Variants in UGT1A9 observed in about 807,000 individuals in gnomAD.
UGT1A9 encodes the protein UDP glucuronosyltransferase family 1 member A9, also known as UDP-glucuronosyltransferase 1A9.
A neutral mutation model predicts 45.0 loss-of-function variants in UGT1A9; 35 were observed. The ratio of observed to expected loss-of-function variants is 0.78; its 90% CI spans 0.59 to 1.03. UGT1A9 has a LOEUF of 1.03. Ranked by LOEUF, UGT1A9 falls within the 50% of genes least tolerant of loss-of-function variation. The probability of loss-of-function intolerance (pLI) is 0.00; values close to 1 mark genes in which losing one functional copy is unlikely to be tolerated. For synonymous variants in UGT1A9, 278 were observed against 250.6 expected (o/e 1.11, Z -1.03); for missense variants, 687 against 666.6 (o/e 1.03, Z -0.34).
At chr2:233,744,020 A>G (rs772396813) in intron 1 of UGT1A9, 334 of 991,812 alleles carry the variant, frequency 3.4e-4, no homozygotes, top group East Asian at 3.5e-4. Context: ...CCGCCTGGAG[A>G]GACGCCCCTT....
chr2:233,681,746 A>G, intron 1 of UGT1A9: 1 of 802,058 alleles, frequency 1.2e-6, no homozygotes, highest in Non-Finnish European at 1.5e-6. Context: ...GAAAACATAT[A>G]AGCAGGTATC....
At chr2:233,748,499 T>C (rs1693956853) in intron 1 of UGT1A9, among the ~76,000 whole-genome samples, 1 of 151,838 alleles carries the variant, frequency 6.6e-6, no homozygotes, top group Admixed American at 6.5e-5. Context: ...GTGATAATTT[T>C]TAGTGGTCCT....
intron 1 of UGT1A9, among the ~76,000 whole-genome samples, chr2:233,747,024 C>T (rs773156337): frequency 2.0e-5 from 3 of 151,838 alleles, no homozygotes; most frequent in South Asian, 2.1e-4. Flanking sequence ...CGGTCTTTCC[C>T]GAAGTGGGAC....
intron 1 of UGT1A9, among the ~76,000 whole-genome samples, chr2:233,700,272 A>G (rs1488856849): frequency 6.6e-6 from 1 of 152,218 alleles, no homozygotes; most frequent in Non-Finnish European, 1.5e-5. Context: ...CTTAATAGGC[A>G]CTTTTTAAAA....
intron 1 of UGT1A9, among the ~76,000 whole-genome samples, chr2:233,730,871 C>T (rs1197291212): frequency 6.6e-6 from 1 of 152,088 alleles, no homozygotes; most frequent in Non-Finnish European, 1.5e-5. Context: ...TACTGCACTC[C>T]AGGTTTCTAT....
Position 233,725,059 on chromosome 2 carries a change from C to G in UGT1A9, c.856-41975C>G, listed in dbSNP as rs1273678780. Among the ~76,000 whole-genome samples the G allele has an allele frequency of 1.3e-3, 185 of 147,066 alleles. 18 individuals carry two copies. In the East Asian group the frequency reaches 0.027, roughly 21 times the overall value. ...AAAACCAGTCAGGCGTGGCGGCGCG[C>G]GCCTGCAATCGCAGGCACTCGGCAG... On this transcript the variant is annotated intron_variant, in intron 1 of 4. Coordinates refer to ENST00000354728, the MANE Select transcript of UGT1A9 (RefSeq NM_021027.3).
chr2:233,705,148 A>AG (rs1553608078), intron 1 of UGT1A9, among the ~76,000 whole-genome samples: 17 of 150,992 alleles, frequency 1.1e-4, no homozygotes, highest in Non-Finnish European at 1.8e-4. Context: ...AAAAAAAAAA[A>AG]AGAGAGAGAG....
intron 1 of UGT1A9, among the ~76,000 whole-genome samples, chr2:233,696,448 G>A (rs1198346703): frequency 6.6e-6 from 1 of 152,068 alleles, no homozygotes; most frequent in African/African-American, 2.4e-5. Context: ...ATTTATAAAT[G>A]CTACTGATTT....
At chr2:233,735,055 G>A (rs1012259706) in intron 1 of UGT1A9, among the ~76,000 whole-genome samples, 1 of 152,132 alleles carries the variant, frequency 6.6e-6, no homozygotes, top group Non-Finnish European at 1.5e-5. Context: ...CTGAGTTCAG[G>A]TCCTGGATAT....
chr2:233,697,132 GTA>G (rs1456349990), intron 1 of UGT1A9, among the ~76,000 whole-genome samples: 3 of 151,950 alleles, frequency 2.0e-5, no homozygotes, highest in African/African-American at 7.3e-5. Flanking sequence ...TCATTTTTCT[GTA>G]ATAGTTTGAG....
At chr2:233,713,891 C>G in intron 1 of UGT1A9, 4 of 1,613,316 alleles carry the variant, frequency 2.5e-6, no homozygotes, top group African/African-American at 2.7e-5. Context: ...AATCAATGTT[C>G]CAGGCAAAAC....
At chr2:233,758,385 T>C (rs1230615266) in intron 1 of UGT1A9, among the ~76,000 whole-genome samples, 2 of 152,262 alleles carry the variant, frequency 1.3e-5, no homozygotes, top group Admixed American at 6.5e-5. Flanking sequence ...TGGTGACTTA[T>C]GTGTTTATAG....
intron 1 of UGT1A9, among the ~76,000 whole-genome samples, chr2:233,745,444 A>G (rs1693107566): frequency 6.6e-6 from 1 of 151,758 alleles, no homozygotes; most frequent in Non-Finnish European, 1.5e-5. Flanking sequence ...ATACACTAGT[A>G]AAGGTCACTC....
At chr2:233,709,190 T>C (rs2076063708) in intron 1 of UGT1A9, among the ~76,000 whole-genome samples, 2 of 152,114 alleles carry the variant, frequency 1.3e-5, no homozygotes, top group East Asian at 3.9e-4. Flanking sequence ...GAGCTGGGAG[T>C]GGATCCTCAC....
intron 1 of UGT1A9, among the ~76,000 whole-genome samples, chr2:233,762,607 TTTG>T (rs1336079545): frequency 6.6e-6 from 1 of 152,220 alleles, no homozygotes; most frequent in Non-Finnish European, 1.5e-5. Flanking sequence ...TTCCAGGAGT[TTTG>T]TTGTTGTGAC....
At chr2:233,764,986 G>A (rs1698720585) in intron 1 of UGT1A9, among the ~76,000 whole-genome samples, 1 of 152,106 alleles carries the variant, frequency 6.6e-6, no homozygotes. Flanking sequence ...CAGTGTCTGG[G>A]GCTTTCCTGG....
At chr2:233,693,985 A>C (rs1444148236) in intron 1 of UGT1A9, 2 of 1,547,132 alleles carry the variant, frequency 1.3e-6, no homozygotes, top group Admixed American at 3.8e-5. Flanking sequence ...GGTGGGGGGA[A>C]GTGATACCCG....
chr2:233,738,642 C>A (rs182421853), intron 1 of UGT1A9, among the ~76,000 whole-genome samples: 1 of 152,330 alleles, frequency 6.6e-6, no homozygotes, highest in East Asian at 1.9e-4. Context: ...TGCCCTAGAG[C>A]TCTTTGGAAC....
At chr2:233,694,761 A>G (rs1204986325) in intron 1 of UGT1A9, among the ~76,000 whole-genome samples, 2 of 152,204 alleles carry the variant, frequency 1.3e-5, no homozygotes, top group African/African-American at 4.8e-5. Flanking sequence ...CCACTGTGAA[A>G]AGGCAAGGGT....
Sources: gnomAD v4.1 joint callset for allele counts (sites outside exome capture counted in the v4.1 genomes callset) on GRCh38, gnomAD v4.1.1 for gene constraint, MANE v1.5 for transcripts, NCBI Gene and HGNC (gene_info 2026-07-23, HGNC 2026-07-21) for gene names.